The following GRIP1 variants were observed in gnomAD, a reference collection of about 807,000 sequenced individuals.
GRIP1 encodes the protein glutamate receptor-interacting protein 1.
Under a neutral mutation model 129.9 loss-of-function variants are expected in GRIP1, and 45 were observed. The observed-to-expected ratio is 0.35, with a 90% CI of 0.27 to 0.44. The LOEUF is 0.44. GRIP1 is among the 20% of genes least tolerant of loss of function. The pLI is 1.00. For synonymous variants in GRIP1, 530 were observed against 520.8 expected, an observed-to-expected ratio of 1.02 and a Z score of -0.24; for missense variants, 1,196 against 1,396.8, an observed-to-expected ratio of 0.86 and a Z score of 2.29.
intron 3 of GRIP1, among the ~76,000 whole-genome samples, chr12:66,539,814 T>C (rs1487776455): frequency 6.6e-6 from 1 of 152,138 alleles, no homozygotes. Context: ...AATGCAAATA[T>C]TGGGTTTCAG....
chr12:66,353,398 A>C lies in GRIP1; in HGVS notation c.3159+19T>G. The C allele has an allele frequency of 6.3e-7, 1 of 1,585,256 alleles. No individual in the cohort carries two copies. Among genetic ancestry groups the C allele is most frequent in the Non-Finnish European group, 8.7e-7 (1 of 1,153,874 alleles). ...GAGAAATTACTTGCAAGGAATTAAA[A>C]TTCCACCTGAGGTCTTACCTGTAAG... On this transcript the variant is annotated intron_variant, in intron 24 of 24. Transcript: ENST00000359742.
intron 13 of GRIP1, among the ~76,000 whole-genome samples, chr12:66,438,491 A>AT (rs1004531480): frequency 0.031 from 4,242 of 136,884 alleles, 75 homozygotes; most frequent in Non-Finnish European, 0.038. Context: ...TTCACCGAGT[A>AT]TTTTTTTTTT....
chr12:67,023,951 C>A (rs1465885614), intron 1 of GRIP1, among the ~76,000 whole-genome samples: 1 of 152,020 alleles, frequency 6.6e-6, no homozygotes, highest in Non-Finnish European at 1.5e-5. Flanking sequence ...TTCCTTCCTT[C>A]CATCTAAGCA....
At position 66,348,548 on chromosome 12, in the gene GRIP1, C is replaced by G. The variant is rs2054081059; in HGVS notation, c.*471G>C. The G allele has an allele frequency of 5.6e-6, 1 of 177,732 alleles. No homozygotes were observed. The highest frequency in any genetic ancestry group is 1.2e-5 in the Non-Finnish European group (1 of 83,042). 11.0% of individuals were successfully genotyped at this position (177,732 alleles called of 1,614,324 possible). A position where few individuals can be genotyped will look rare whatever the true frequency, so the allele number is the denominator to read the frequency against. The stretch of plus-strand genomic sequence containing the variant: ...CATTGTGGTAGTCCCAGCAGTTTAC[C>G]AAACACTAGTTCCCCTAGTAGAGCC... On this transcript the variant is annotated 3_prime_UTR_variant, in exon 25 of 25. Transcript: ENST00000359742.
intron 1 of GRIP1, among the ~76,000 whole-genome samples, chr12:66,978,627 T>G (rs1450367691): frequency 3.9e-5 from 6 of 152,208 alleles, no homozygotes; most frequent in Non-Finnish European, 8.8e-5. Context: ...TGGTCTCAGA[T>G]TAGCTGTCTT....
At chr12:66,367,414 T>C (rs539538626) in intron 23 of GRIP1, among the ~76,000 whole-genome samples, 3 of 152,306 alleles carry the variant, frequency 2.0e-5, no homozygotes, top group South Asian at 4.1e-4. Context: ...AAGAATCCAC[T>C]GAAAAGGTTG....
chr12:67,041,595 C>T (rs913403303), intron 1 of GRIP1, among the ~76,000 whole-genome samples: 1 of 152,072 alleles, frequency 6.6e-6, no homozygotes, highest in Non-Finnish European at 1.5e-5. Context: ...AGTGGGTGAT[C>T]CTCAGCAAAA....
At chr12:66,604,894 A>G (rs2064442063) in intron 1 of GRIP1, among the ~76,000 whole-genome samples, 1 of 148,952 alleles carries the variant, frequency 6.7e-6, no homozygotes, top group African/African-American at 2.5e-5. Flanking sequence ...TAAACTTGCT[A>G]GAACATATCC....
chr12:66,983,421 A>T (rs1479217748), intron 1 of GRIP1, among the ~76,000 whole-genome samples: 5 of 152,190 alleles, frequency 3.3e-5, no homozygotes, highest in Non-Finnish European at 5.9e-5. Context: ...TTAACATTTA[A>T]TGACAAGACC....
intron 23 of GRIP1, among the ~76,000 whole-genome samples, chr12:66,356,865 TTTTTA>T (rs1231840055): frequency 2.0e-5 from 3 of 152,166 alleles, no homozygotes; most frequent in African/African-American, 7.2e-5. Flanking sequence ...TGATTTTTTA[TTTTTA>T]TTTTATTTTT....
intron 23 of GRIP1, among the ~76,000 whole-genome samples, chr12:66,360,211 C>T (rs944068383): frequency 6.0e-5 from 9 of 151,002 alleles, no homozygotes; most frequent in African/African-American, 2.2e-4. Context: ...AATCTCCTAG[C>T]TGGTCAGGCA....
intron 1 of GRIP1, among the ~76,000 whole-genome samples, chr12:66,662,595 T>G (rs758184082): frequency 1.3e-5 from 2 of 152,256 alleles, no homozygotes; most frequent in South Asian, 4.1e-4. Flanking sequence ...TTTCCATATT[T>G]TGTGGTATAC....
intron 19 of GRIP1, among the ~76,000 whole-genome samples, chr12:66,379,730 T>C (rs962897507): frequency 6.6e-6 from 1 of 152,178 alleles, no homozygotes; most frequent in Non-Finnish European, 1.5e-5. Context: ...TTGCAAACTT[T>C]CTTGGGAGTT....
rs1287615497 is a variant in GRIP1, at chr12:66,515,774, G to T, written c.579-10C>A. On this transcript the variant is annotated splice_polypyrimidine_tract_variant and intron_variant, in intron 6 of 24. Transcript: ENST00000359742. Reference sequence around the variant, plus strand: ...TTTGATCGTGCCCTCTCTGAAGGGAGAATAAAGGAATAGTCTTGATTAATT... The same window carrying T: ...TTTGATCGTGCCCTCTCTGAAGGGATAATAAAGGAATAGTCTTGATTAATT... 1 of 1,611,426 alleles carries T rather than the reference G, an allele frequency of 6.2e-7. No individual in the cohort carries two copies. Among genetic ancestry groups the T allele is most frequent in the African/African-American group, 1.3e-5 (1 of 74,998 alleles).
intron 1 of GRIP1, among the ~76,000 whole-genome samples, chr12:66,861,958 T>C (rs562609067): frequency 4.2e-4 from 64 of 152,222 alleles, no homozygotes; most frequent in African/African-American, 1.4e-3. Flanking sequence ...ATTTCCTACC[T>C]GAATTAGTAC....
intron 4 of GRIP1, 32 bp downstream of exon 4, chr12:66,539,046 C>G (rs1201513839): frequency 6.3e-7 from 1 of 1,590,610 alleles, no homozygotes. Context: ...TGGAATGTAT[C>G]CCCTATGGAT....
intron 7 of GRIP1, among the ~76,000 whole-genome samples, chr12:66,506,167 G>T (rs895631749): frequency 7.9e-5 from 12 of 152,100 alleles, no homozygotes; most frequent in Admixed American, 1.3e-4. Context: ...GTAACCTAAG[G>T]CCTAGCAATT....
intron 5 of GRIP1, among the ~76,000 whole-genome samples, chr12:66,519,990 T>C (rs1016759925): frequency 6.6e-6 from 1 of 152,216 alleles, no homozygotes; most frequent in Non-Finnish European, 1.5e-5. Context: ...ATTCTATGGA[T>C]GCAAGCTTCT....
intron 1 of GRIP1, among the ~76,000 whole-genome samples, chr12:66,884,677 T>C (rs538323883): frequency 1.7e-3 from 263 of 152,292 alleles, no homozygotes; most frequent in African/African-American, 6.1e-3. Context: ...TAGTCTTGGA[T>C]ACAAGACCTA....
Sources: gnomAD v4.1 joint callset for allele counts (sites outside exome capture counted in the v4.1 genomes callset) on GRCh38, gnomAD v4.1.1 for gene constraint, MANE v1.5 for transcripts, NCBI Gene and HGNC (gene_info 2026-07-23, HGNC 2026-07-21) for gene names.